Variants in DYRK1A observed in about 807,000 individuals in gnomAD.
DYRK1A encodes the protein dual specificity tyrosine phosphorylation regulated kinase 1A, also known as dual specificity tyrosine-phosphorylation-regulated kinase 1A.
DYRK1A carries 9 observed loss-of-function variants against 79.7 expected under a neutral mutation model. The observed-to-expected ratio is 0.11, with a 90% confidence interval of 0.07 to 0.20. The LOEUF is 0.20. Among genes scored for constraint, DYRK1A ranks in the 10% least tolerant of loss-of-function variants. The pLI, the probability that DYRK1A is intolerant of heterozygous loss-of-function variation, is 1.00. For missense variants in DYRK1A, 622 were observed against 956.0 expected, an observed-to-expected ratio of 0.65 and a Z score of 4.61; for synonymous variants, 349 against 329.7, an observed-to-expected ratio of 1.06 and a Z score of -0.63.
chr21:37,464,068 A>G (rs1237793002), intron 2 of DYRK1A, among the ~76,000 whole-genome samples: 1 of 152,230 alleles, frequency 6.6e-6, no homozygotes, highest in Non-Finnish European at 1.5e-5. Flanking sequence ...TAACATTCAG[A>G]TCTACAAGTA....
intron 9 of DYRK1A, among the ~76,000 whole-genome samples, chr21:37,498,512 A>G (rs2053343029): frequency 6.6e-6 from 1 of 152,188 alleles, no homozygotes; most frequent in Admixed American, 6.5e-5. Context: ...AATCATCAAT[A>G]TTGTATGTCT....
At chr21:37,503,728 T>G (rs898292176) in intron 9 of DYRK1A, 2 of 152,246 alleles carry the variant, frequency 1.3e-5, no homozygotes, top group African/African-American at 4.8e-5. Flanking sequence ...CTAGCATTTC[T>G]ATTTTGTTTT....
rs78728107 is a variant in DYRK1A, at chr21:37,396,883, G to T, written c.-76-23416G>T. ...CTCTAACAGTTCCAGCAATTTGATG[G>T]CTCTAAGAGCATGGAATCATCTGGA... On this transcript the variant is annotated intron_variant, in intron 1 of 11. Transcript: ENST00000647188. 2.9e-3 allele frequency among the ~76,000 whole-genome samples: 437 copies of T among 152,254 alleles called. 2 individuals carry two copies. The highest frequency in any genetic ancestry group is 0.01 in the African/African-American group (423 of 41,516).
intron 2 of DYRK1A, among the ~76,000 whole-genome samples, chr21:37,447,522 T>C (rs2051312225): frequency 6.6e-6 from 1 of 152,222 alleles, no homozygotes; most frequent in Non-Finnish European, 1.5e-5. Flanking sequence ...ATTATATCTG[T>C]GGCTGCTTTT....
chr21:37,485,342 A>G lies in DYRK1A; in HGVS notation c.490-1125A>G, dbSNP rs963607584. Among the ~76,000 whole-genome samples the G allele has an allele frequency of 2.6e-5, 4 of 152,216 alleles. No individual in the cohort carries two copies. In the East Asian group the frequency reaches 7.7e-4, roughly 29 times the overall value. On this transcript the variant is annotated intron_variant, in intron 5 of 11. Coordinates refer to ENST00000647188, the MANE Select transcript of DYRK1A (RefSeq NM_001347721.2). ...ATCAGAACCCCTTGGCCACATGTTT[A>G]CAAGGGTAGCCTCTGTTATAAAAGA...
intron 2 of DYRK1A, among the ~76,000 whole-genome samples, chr21:37,450,737 C>T (rs2051420039): frequency 6.6e-6 from 1 of 152,198 alleles, no homozygotes; most frequent in African/African-American, 2.4e-5. Flanking sequence ...GCTTCTTTCA[C>T]TCATTCGTTT....
intron 1 of DYRK1A, among the ~76,000 whole-genome samples, chr21:37,406,617 G>A (rs773559059): frequency 2.0e-5 from 3 of 151,882 alleles, no homozygotes; most frequent in Non-Finnish European, 2.9e-5. Flanking sequence ...CATGAGAATT[G>A]CTTGAACCCG....
intron 1 of DYRK1A, among the ~76,000 whole-genome samples, chr21:37,413,066 A>G (rs2050272676): frequency 6.6e-6 from 1 of 152,190 alleles, no homozygotes; most frequent in Non-Finnish European, 1.5e-5. Flanking sequence ...GAGGATAGCT[A>G]GTGTTGTGAA....
chr21:37,366,476 C>T (rs996006642), upstream of DYRK1A, among the ~76,000 whole-genome samples: 5 of 148,994 alleles, frequency 3.4e-5, no homozygotes, highest in Admixed American at 6.7e-5. Context: ...GCCTCGCCCC[C>T]CCTTCCCCAG....
In DYRK1A at chr21:37,517,521, C is replaced by T. The variant is rs1422568998; in HGVS notation, c.*4990C>T. On this transcript the variant is annotated 3_prime_UTR_variant, in exon 12 of 12. Coordinates refer to ENST00000647188, the MANE Select transcript of DYRK1A (RefSeq NM_001347721.2). ...ATATACTCATTCATTAGTCAGTGTA[C>T]TTGCCCCTGAATTCCATATCTGAAA... The T allele has an allele frequency of 6.6e-6, 1 of 152,142 alleles. No individual in the cohort carries two copies. The highest frequency in any genetic ancestry group is 2.4e-5 in the African/African-American group (1 of 41,404). The allele number at this position is 152,142 out of a possible 1,614,324, so 9.4% of individuals were successfully genotyped here.
At chr21:37,500,247 A>G (rs1042246790) in intron 9 of DYRK1A, among the ~76,000 whole-genome samples, 2 of 152,164 alleles carry the variant, frequency 1.3e-5, no homozygotes, top group African/African-American at 2.4e-5. Context: ...AGAGATCATC[A>G]TATGATTTTT....
At chr21:37,368,983 A>G (rs2049375332) in intron 1 of DYRK1A, among the ~76,000 whole-genome samples, 1 of 152,174 alleles carries the variant, frequency 6.6e-6, no homozygotes, top group Non-Finnish European at 1.5e-5. Flanking sequence ...CCCCAAGAAA[A>G]CTATGTAGTC....
intron 11 of DYRK1A, chr21:37,506,433 C>A: frequency 7.1e-7 from 1 of 1,415,184 alleles, no homozygotes; most frequent in East Asian, 2.5e-5. Context: ...TTATTGGGGG[C>A]ATAACAGTTG....
intron 2 of DYRK1A, chr21:37,428,818 TCAAAAGG>T (rs1196648066): frequency 1.4e-5 from 2 of 140,230 alleles, no homozygotes; most frequent in East Asian, 4.3e-4. Context: ...GATCATCTCC[TCAAAAGG>T]TGAAATTTAA....
Position 37,417,529 on chromosome 21 carries a change from C to CTTT in DYRK1A, c.-76-2747_-76-2745dup, listed in dbSNP as rs3216074. The stretch of plus-strand genomic sequence containing the variant: ...TTCTTTTCTTTTTCTTTTTCTTTTT[C>CTTT]TTTTTTTTTTTTTTTTTTTTTTTTT... On this transcript the variant is annotated intron_variant, in intron 1 of 11. Coordinates refer to ENST00000647188, the MANE Select transcript of DYRK1A (RefSeq NM_001347721.2). Among the ~76,000 whole-genome samples the CTTT allele has an allele frequency of 1.0e-2, 439 of 43,932 alleles. 36 individuals are homozygous for CTTT. The highest frequency in any genetic ancestry group is 0.034 in the African/African-American group (330 of 9,712). The allele number at this position is 43,932 out of a possible 152,430, so 28.8% of individuals were successfully genotyped here.
chr21:37,511,367 T>G (rs924982098), intron 11 of DYRK1A, among the ~76,000 whole-genome samples: 7 of 152,164 alleles, frequency 4.6e-5, no homozygotes, highest in African/African-American at 1.7e-4. Flanking sequence ...AGGAGTTCAT[T>G]TAAGGGGCTG....
chr21:37,427,853 G>T (rs1170697119), intron 2 of DYRK1A, among the ~76,000 whole-genome samples: 1 of 152,062 alleles, frequency 6.6e-6, no homozygotes, highest in East Asian at 1.9e-4. Flanking sequence ...ATATTAGACC[G>T]AGTATGTTTT....
chr21:37,410,438 G>A (rs2050222054), intron 1 of DYRK1A: 1 of 152,204 alleles, frequency 6.6e-6, no homozygotes, highest in Admixed American at 6.5e-5. Context: ...AAATGGATGA[G>A]TTTTCATTAT....
chr21:37,501,122 A>T (rs2053430473), intron 9 of DYRK1A, among the ~76,000 whole-genome samples: 1 of 145,774 alleles, frequency 6.9e-6, no homozygotes, highest in South Asian at 2.1e-4. Context: ...GCACTGCTTT[A>T]GCTGCATTCT....
Sources: allele counts gnomAD v4.1 joint callset (sites outside exome capture counted in the v4.1 genomes callset), GRCh38; gene constraint gnomAD v4.1.1; transcripts MANE v1.5; gene names NCBI Gene and HGNC (gene_info 2026-07-23, HGNC 2026-07-21).